GABRG3: variants seen among roughly 807,000 people sequenced by gnomAD.
GABRG3 encodes gamma-aminobutyric acid receptor subunit gamma-3.
Under a neutral mutation model 48.8 loss-of-function variants are expected in GABRG3, and 25 were observed. The observed-to-expected ratio is 0.51, with a 90% confidence interval of 0.37 to 0.72. GABRG3 has a LOEUF of 0.72. GABRG3 is among the 30% of genes least tolerant of loss of function. The pLI, the probability that GABRG3 is intolerant of heterozygous loss-of-function variation, is 0.00. For missense variants in GABRG3, 394 were observed against 577.9 expected (o/e 0.68, Z 3.26); for synonymous variants, 227 against 217.6 (o/e 1.04, Z -0.38).
intron 3 of GABRG3, among the ~76,000 whole-genome samples, chr15:27,091,733 A>C (rs2140755586): frequency 6.6e-6 from 1 of 152,314 alleles, no homozygotes; most frequent in African/African-American, 2.4e-5. Context: ...CAAAACCAAC[A>C]AACGTGGTTC....
intron 2 of GABRG3, among the ~76,000 whole-genome samples, chr15:27,003,449 A>C (rs1895499320): frequency 6.6e-6 from 1 of 151,312 alleles, no homozygotes; most frequent in Non-Finnish European, 1.5e-5. Context: ...GCCTTCAAGC[A>C]TCTGTTTAAC....
intron 3 of GABRG3, among the ~76,000 whole-genome samples, chr15:27,085,104 A>AT (rs1266604217): frequency 2.0e-5 from 3 of 152,230 alleles, no homozygotes; most frequent in Non-Finnish European, 4.4e-5. Flanking sequence ...CATGCACCAC[A>AT]TAAGAGGGCA....
chr15:26,992,264 A>G (rs1300438662), intron 2 of GABRG3, among the ~76,000 whole-genome samples: 3 of 152,140 alleles, frequency 2.0e-5, no homozygotes, highest in African/African-American at 4.8e-5. Flanking sequence ...TTCAAATACT[A>G]TGTAGAATAA....
chr15:27,256,358 G>A lies in GABRG3; in HGVS notation c.271-70451G>A, dbSNP rs1032287711. ...TGGGAGGCTGAGGCAGGAGAATGGC[G>A]TGAACCCGGGAGGCAGTGCTTGCAG... On this transcript the variant is annotated intron_variant, in intron 3 of 9. Transcript: ENST00000615808. Among the ~76,000 whole-genome samples the A allele has an allele frequency of 9.9e-5, 15 of 151,638 alleles. No individual in the cohort carries two copies. The South Asian group carries it at 1.5e-3, about 15-fold the overall frequency.
At chr15:27,150,786 G>A (rs7495116) in intron 3 of GABRG3, among the ~76,000 whole-genome samples, 123,956 of 152,082 alleles carry the variant, frequency 0.82, 51,235 homozygotes, top group Middle Eastern at 0.87. Flanking sequence ...CTTACAGCCC[G>A]CTCTTCTGAC....
intron 3 of GABRG3, among the ~76,000 whole-genome samples, chr15:27,195,110 CATTTAGGAATTT>C (rs1566961311): frequency 0.099 from 34 of 344 alleles, no homozygotes; most frequent in South Asian, 0.42. Flanking sequence ...TGAGCTTTTT[CATTTAGGAATTT>C]CTTTCAGGAA....
intron 7 of GABRG3, 116 bp from the exon 8 acceptor site, chr15:27,527,317 C>A: frequency 2.6e-6 from 2 of 762,270 alleles, no homozygotes; most frequent in Non-Finnish European, 2.2e-6. Context: ...ATGAGGTATG[C>A]AGCATCAGGG....
intron 5 of GABRG3, among the ~76,000 whole-genome samples, chr15:27,469,485 C>A (rs142699227): frequency 0.12 from 18,409 of 151,932 alleles, 1,566 homozygotes; most frequent in African/African-American, 0.24. Flanking sequence ...GGATTATAGG[C>A]GCCCACCACC....
intron 3 of GABRG3, among the ~76,000 whole-genome samples, chr15:27,181,736 A>C (rs995677016): frequency 8.5e-5 from 13 of 152,158 alleles, no homozygotes; most frequent in African/African-American, 3.1e-4. Flanking sequence ...GATGGTAGGA[A>C]AACAGCAGTG....
chr15:27,275,799 CATTAGCCCCTG>C (rs1891231760), intron 3 of GABRG3, among the ~76,000 whole-genome samples: 1 of 152,174 alleles, frequency 6.6e-6, no homozygotes, highest in Non-Finnish European at 1.5e-5. Flanking sequence ...GAAATGTAAA[CATTAGCCCCTG>C]ATTTCTGTGA....
rs375296630 is a variant in GABRG3 at position 27,213,338 on chromosome 15, G to A, written c.271-113471G>A. Among the ~76,000 whole-genome samples, 5 of 152,158 alleles carry A rather than the reference G, an allele frequency of 3.3e-5. No individual in the cohort carries two copies. In the East Asian group the frequency reaches 7.7e-4, roughly 23 times the overall value. ...TAATTGGCTTTTATTTGCAATTCTA[G>A]AATTGAGAAGCTCCTCATTCTGTAA... On this transcript the variant is annotated intron_variant, in intron 3 of 9. Transcript: ENST00000615808.
chr15:27,011,443 A>C lies in GABRG3; in HGVS notation c.203-15311A>C, dbSNP rs1002859392. 5.3e-5 allele frequency among the ~76,000 whole-genome samples: 8 copies of C among 152,252 alleles called. No homozygotes were observed. In the South Asian group the frequency reaches 1.7e-3, roughly 32 times the overall value. ...TCAGTCTCTTCTCTTCATTTTATACAGCATTTTATTTGATAGTAACACCAG... is the reference window on the plus strand; with the variant it reads ...TCAGTCTCTTCTCTTCATTTTATACCGCATTTTATTTGATAGTAACACCAG... On this transcript the variant is annotated intron_variant, in intron 2 of 9. Coordinates refer to ENST00000615808, the MANE Select transcript of GABRG3 (RefSeq NM_033223.5).
intron 3 of GABRG3, among the ~76,000 whole-genome samples, chr15:27,183,745 C>T (rs1037682640): frequency 2.6e-5 from 4 of 152,182 alleles, no homozygotes; most frequent in African/African-American, 9.7e-5. Context: ...AATCTTGTTC[C>T]GTTCCTTTCA....
At chr15:27,256,112 G>A (rs758243072) in intron 3 of GABRG3, among the ~76,000 whole-genome samples, 9 of 152,126 alleles carry the variant, frequency 5.9e-5, no homozygotes, top group African/African-American at 9.7e-5. Flanking sequence ...TTTGTAAGAG[G>A]GAGGCAAGAG....
intron 3 of GABRG3, among the ~76,000 whole-genome samples, chr15:27,128,456 G>A (rs1897859447): frequency 6.6e-6 from 1 of 152,304 alleles, no homozygotes; most frequent in East Asian, 1.9e-4. Context: ...GATCCATTGA[G>A]CGAGTCATCT....
Position 26,976,089 on chromosome 15 carries a change from A to C in GABRG3, c.54-913A>C, listed in dbSNP as rs1595450301. Among the ~76,000 whole-genome samples the C allele has an allele frequency of 6.6e-6, 1 of 152,068 alleles. No homozygotes were observed. The highest frequency in any genetic ancestry group is 2.1e-4 in the South Asian group (1 of 4,822). On this transcript the variant is annotated intron_variant, in intron 1 of 9. Transcript: ENST00000615808. The surrounding 1 kb of genome is among the most constrained non-coding windows in gnomAD (Gnocchi z 7.8). ...ACAAGTGTGTGCCAATTATAAACCA[A>C]ACATTTTTTAAAAAACCCAAAACTG... is the stretch of plus-strand genomic sequence containing the variant.
chr15:27,510,413 C>T (rs1323691560), intron 6 of GABRG3, among the ~76,000 whole-genome samples: 2 of 152,174 alleles, frequency 1.3e-5, no homozygotes, highest in Admixed American at 6.5e-5. Flanking sequence ...AGTAGATTTC[C>T]ACCATTCCCC....
At chr15:27,003,877 G>C (rs1226053522) in intron 2 of GABRG3, among the ~76,000 whole-genome samples, 2 of 145,476 alleles carry the variant, frequency 1.4e-5, no homozygotes, top group African/African-American at 5.1e-5. Flanking sequence ...CTCCCTCCCA[G>C]ACGGGGCGGC....
chr15:27,472,196 GATA>G (rs774614690), intron 5 of GABRG3, among the ~76,000 whole-genome samples: 1 of 151,946 alleles, frequency 6.6e-6, no homozygotes, highest in Non-Finnish European at 1.5e-5. Context: ...GGTATTTTAT[GATA>G]ATTTAGGAAA....
Sources: allele counts gnomAD v4.1 joint callset (sites outside exome capture counted in the v4.1 genomes callset), GRCh38; gene constraint gnomAD v4.1.1; non-coding constraint Gnocchi (gnomAD v3.1); transcripts MANE v1.5; gene names NCBI Gene and HGNC (gene_info 2026-07-23, HGNC 2026-07-21).